Variants in ELF1 observed in about 807,000 individuals in gnomAD.
The protein encoded by ELF1 is ETS-related transcription factor Elf-1.
A neutral mutation model predicts 59.9 loss-of-function variants in ELF1; 24 were observed. That is an observed-to-expected ratio of 0.40 (90% CI 0.29 to 0.56). The LOEUF (loss-of-function observed/expected upper bound fraction) is 0.56, where lower values mean the gene tolerates loss of function less well. Ranked by LOEUF, ELF1 falls within the 20% of genes least tolerant of loss-of-function variation. ELF1 has a pLI of 0.44. For missense variants in ELF1, 627 were observed against 742.2 expected, an observed-to-expected ratio of 0.84 and a Z score of 1.80; for synonymous variants, 248 against 266.2, an observed-to-expected ratio of 0.93 and a Z score of 0.67.
At chr13:40,999,067 A>G (rs1420692841) in intron 1 of ELF1, among the ~76,000 whole-genome samples, 1 of 152,226 alleles carries the variant, frequency 6.6e-6, no homozygotes, top group Non-Finnish European at 1.5e-5. Context: ...CAAATATCTA[A>G]TTTTAGAGGC....
At chr13:41,056,163 C>T (rs1029015293) in intron 1 of ELF1, among the ~76,000 whole-genome samples, 1 of 152,142 alleles carries the variant, frequency 6.6e-6, no homozygotes, top group African/African-American at 2.4e-5. Flanking sequence ...GTCACCTCAC[C>T]CCAAACCTCC....
chr13:40,933,288 CA>C lies in ELF1; in HGVS notation c.*136del. On this transcript the variant is annotated 3_prime_UTR_variant, in exon 9 of 9. Coordinates refer to ENST00000239882, the MANE Select transcript of ELF1 (RefSeq NM_172373.4). The stretch of plus-strand genomic sequence containing the variant: ...AGTTGAGTTTTCCTCCCTCATCTAA[CA>C]AAGTCAAAATTAACTCTATTTTTAA... 1 of 1,168,240 alleles carries C rather than the reference CA, an allele frequency of 8.6e-7. No individual in the cohort carries two copies. Among genetic ancestry groups the C allele is most frequent in the Non-Finnish European group, 1.2e-6 (1 of 858,932 alleles). The allele number at this position is 1,168,240 out of a possible 1,614,324, so 72.4% of individuals were successfully genotyped here. A position where few individuals can be genotyped will look rare whatever the true frequency, so the allele number is the denominator to read the frequency against.
chr13:40,956,031 G>A (rs1198083236), intron 3 of ELF1, among the ~76,000 whole-genome samples: 46 of 144,034 alleles, frequency 3.2e-4, no homozygotes, highest in South Asian at 4.6e-4. Flanking sequence ...ACTGGGAAGT[G>A]AGGAGCCCCT....
chr13:40,954,765 G>C (rs1398836228), intron 3 of ELF1, among the ~76,000 whole-genome samples: 1 of 150,894 alleles, frequency 6.6e-6, no homozygotes, highest in Non-Finnish European at 1.5e-5. Context: ...TGGTGCCCAG[G>C]CTGGAGTGCA....
intron 1 of ELF1, among the ~76,000 whole-genome samples, chr13:41,058,928 G>A (rs1351564692): frequency 1.3e-5 from 2 of 152,208 alleles, no homozygotes; most frequent in South Asian, 2.1e-4. Context: ...AGCTGAGATC[G>A]CGCCAATGCC....
chr13:41,015,161 A>G (rs1418707596), intron 1 of ELF1, among the ~76,000 whole-genome samples: 3 of 152,168 alleles, frequency 2.0e-5, no homozygotes, highest in Non-Finnish European at 4.4e-5. Context: ...CCAAGAAGCA[A>G]CAATTGGAAC....
intron 2 of ELF1, among the ~76,000 whole-genome samples, chr13:40,976,485 T>C (rs976544681): frequency 6.6e-6 from 1 of 152,216 alleles, no homozygotes; most frequent in Non-Finnish European, 1.5e-5. Flanking sequence ...TCCCAAACAC[T>C]GCATGAAAAA....
chr13:40,952,818 T>A (rs1388428473), intron 3 of ELF1, among the ~76,000 whole-genome samples: 2 of 151,350 alleles, frequency 1.3e-5, no homozygotes, highest in Admixed American at 1.3e-4. Flanking sequence ...TCTTCTTTCA[T>A]CCATACCCCA....
At chr13:40,980,183 T>A (rs1299514223) in intron 2 of ELF1, among the ~76,000 whole-genome samples, 2 of 152,188 alleles carry the variant, frequency 1.3e-5, no homozygotes, top group Non-Finnish European at 2.9e-5. Context: ...TTAGTGAGAA[T>A]CAAACTGGCT....
chr13:40,940,386 GAAAAAAAAAAAAAAAAAA>G (rs375400990), intron 8 of ELF1, among the ~76,000 whole-genome samples: 10 of 109,898 alleles, frequency 9.1e-5, no homozygotes, highest in Admixed American at 3.4e-4. Flanking sequence ...TGATTTAACT[GAAAAAAAAAAAAAAAAAA>G]AAAAAAAAAA....
intron 1 of ELF1, among the ~76,000 whole-genome samples, chr13:41,004,319 G>GT (rs940926882): frequency 6.6e-6 from 1 of 151,806 alleles, no homozygotes; most frequent in African/African-American, 2.4e-5. Flanking sequence ...GCCCACATCT[G>GT]TTTTTTTCCA....
At chr13:41,049,466 T>C (rs937643583) in intron 1 of ELF1, among the ~76,000 whole-genome samples, 3 of 152,170 alleles carry the variant, frequency 2.0e-5, no homozygotes, top group African/African-American at 7.2e-5. Context: ...CATCAATATC[T>C]GCCCACTCTG....
chr13:41,006,407 C>T (rs573599805), intron 1 of ELF1, among the ~76,000 whole-genome samples: 20 of 152,270 alleles, frequency 1.3e-4, no homozygotes, highest in African/African-American at 4.1e-4. Flanking sequence ...CCTCCCCTAT[C>T]CTCTGGCTCT....
upstream of ELF1, among the ~76,000 whole-genome samples, chr13:41,022,702 G>C (rs1875736674): frequency 6.6e-6 from 1 of 152,154 alleles, no homozygotes; most frequent in Admixed American, 6.6e-5. Context: ...CCAACATGGT[G>C]AAACCGTCTC....
At chr13:40,949,782 C>A (rs1224386280) in intron 5 of ELF1, 24 bp downstream of exon 5, 1 of 1,612,336 alleles carries the variant, frequency 6.2e-7, no homozygotes, top group African/African-American at 1.3e-5. Flanking sequence ...TGACTATGCG[C>A]CCTAAACAAA....
chr13:40,936,417 C>A (rs1296009730), intron 8 of ELF1, among the ~76,000 whole-genome samples: 3 of 152,114 alleles, frequency 2.0e-5, no homozygotes, highest in African/African-American at 7.2e-5. Flanking sequence ...CTAATCAGGG[C>A]TACCACTAGG....
chr13:41,002,364 G>A (rs988105917), intron 1 of ELF1, among the ~76,000 whole-genome samples: 13 of 151,816 alleles, frequency 8.6e-5, no homozygotes, highest in East Asian at 1.9e-4. Context: ...ATATCAGGGC[G>A]AGGTGCAGTG....
intron 1 of ELF1, among the ~76,000 whole-genome samples, chr13:40,987,600 A>AAG (rs1555276297): frequency 0.013 from 1,930 of 143,660 alleles, 58 homozygotes; most frequent in African/African-American, 0.037. Context: ...AAAAAAAAAA[A>AAG]AAAAGAAAGA....
rs567064866 is a variant in ELF1 at position 41,052,469 on chromosome 13, A to C, written c.-229+8369T>G. On this transcript the variant is annotated intron_variant, in intron 1 of 1. Coordinates refer to the ELF1 transcript ENST00000405737. ...GATATCATAGCAAAACCATTAAAGA[A>C]GACTAGAAAACAAATATATCTTTAA... 2.0e-5 allele frequency among the ~76,000 whole-genome samples: 3 copies of C among 152,372 alleles called. No homozygotes were observed. In the South Asian group the frequency reaches 6.2e-4, roughly 32 times the overall value.
Sources: allele counts gnomAD v4.1 joint callset (sites outside exome capture counted in the v4.1 genomes callset), GRCh38; gene constraint gnomAD v4.1.1; transcripts MANE v1.5; gene names NCBI Gene and HGNC (gene_info 2026-07-23, HGNC 2026-07-21).